The following DRG1 variants were observed in gnomAD, a reference collection of about 807,000 sequenced individuals.
The protein encoded by DRG1 is developmentally-regulated GTP-binding protein 1.
A neutral mutation model predicts 38.8 loss-of-function variants in DRG1; 19 were observed. The ratio of observed to expected loss-of-function variants is 0.49; its 90% CI spans 0.34 to 0.72. The LOEUF is 0.72. DRG1 is among the 30% of genes least tolerant of loss of function. The probability of loss-of-function intolerance (pLI) is 0.01; values close to 1 mark genes in which losing one functional copy is unlikely to be tolerated. For missense variants in DRG1, 299 were observed against 444.8 expected, an observed-to-expected ratio of 0.67 and a Z score of 2.95; for synonymous variants, 167 against 157.5, an observed-to-expected ratio of 1.06 and a Z score of -0.45.
intron 8 of DRG1, among the ~76,000 whole-genome samples, chr22:31,428,968 A>ATTACTTGGTTAAGTTGGTG (rs1198171606): frequency 1.5e-4 from 23 of 152,154 alleles, no homozygotes; most frequent in Non-Finnish European, 3.4e-4. Context: ...ATTCACATTG[A>ATTACTTGGTTAAGTTGGTG]TTACTTGGTT....
chr22:31,424,793 G>A (rs1241896947), intron 6 of DRG1, among the ~76,000 whole-genome samples: 35 of 57,522 alleles, frequency 6.1e-4, no homozygotes, highest in South Asian at 3.2e-3. Context: ...TGCTGTGCCC[G>A]GCACCCGCCC....
chr22:31,403,223 C>T lies in DRG1; in HGVS notation c.342+19C>T. ...GATCCAGGTGAGTCAAGCCTGCAGA[C>T]TAAGGAAGGAAAGAAATCTATTCTT... On this transcript the variant is annotated intron_variant, in intron 3 of 8. Coordinates refer to ENST00000331457, the MANE Select transcript of DRG1 (RefSeq NM_004147.4). The T allele has an allele frequency of 6.3e-7, 1 of 1,583,226 alleles. No homozygotes were observed. The highest frequency in any genetic ancestry group is 8.6e-7 in the Non-Finnish European group (1 of 1,165,790).
chr22:31,419,618 G>A (rs1361447620), intron 4 of DRG1, among the ~76,000 whole-genome samples: 3 of 152,146 alleles, frequency 2.0e-5, no homozygotes, highest in Admixed American at 6.6e-5. Flanking sequence ...AAGGAATGCT[G>A]TAGGTGATGG....
chr22:31,403,835 G>GCT (rs1370562869), intron 3 of DRG1, among the ~76,000 whole-genome samples: 1 of 152,078 alleles, frequency 6.6e-6, no homozygotes, highest in Non-Finnish European at 1.5e-5. Context: ...CCCATGCAGA[G>GCT]ACACATGTCC....
At position 31,426,639 on chromosome 22, in the gene DRG1, G is replaced by A; in HGVS notation, c.738G>A (p.Val246=). The A allele has an allele frequency of 1.2e-6, 2 of 1,613,624 alleles. No homozygotes were observed. The highest frequency in any genetic ancestry group is 1.7e-6 in the Non-Finnish European group (2 of 1,179,860). ...GAGTTTATATCCCCTGTATCTATGT[G>A]TTAAATAAGATTGACCAAATCTCCA... ...GNRVYIPCIY[V]LNKIDQISIE... is the part of the protein sequence containing the mutation. The change falls in exon 7 of 9, where the codon GTG becomes GTA. Residue 246 remains valine (V), a synonymous_variant. Coordinates refer to ENST00000331457, the MANE Select transcript of DRG1 (RefSeq NM_004147.4).
At chr22:31,414,583 A>G (rs1211030026) in intron 4 of DRG1, among the ~76,000 whole-genome samples, 1 of 151,898 alleles carries the variant, frequency 6.6e-6, no homozygotes, top group Non-Finnish European at 1.5e-5. Context: ...TTTCCCTTTC[A>G]TCCCGCACAT....
In DRG1 at chr22:31,399,695, C is replaced by G. The variant is rs759258892; in HGVS notation, c.12C>G (p.Thr4=). 2 of 1,614,042 alleles carry G rather than the reference C, an allele frequency of 1.2e-6. No individual in the cohort carries two copies. Among genetic ancestry groups the G allele is most frequent in the Non-Finnish European group, 1.7e-6 (2 of 1,179,892 alleles). Residue 4 remains threonine, a synonymous_variant, in exon 1 of 9, where the codon ACC becomes ACG. Transcript: ENST00000331457. The part of the protein sequence containing the change: MSS[T]LAKIAEIEAE... ...GGGTACTCGCCACGATGAGCAGCAC[C>G]TTAGCTAAGATCGCGGAGATAGAAG...
At chr22:31,431,027 C>A (rs1279244403) in intron 8 of DRG1, among the ~76,000 whole-genome samples, 41 of 120,724 alleles carry the variant, frequency 3.4e-4, no homozygotes, top group Middle Eastern at 3.8e-3. Flanking sequence ...CTTCCCCCCC[C>A]CCCCCCGCTT....
In DRG1 at chr22:31,433,973, ACCTTT is replaced by A. The variant is rs1194355588; in HGVS notation, c.*5_*9del. On this transcript the variant is annotated 3_prime_UTR_variant, in exon 9 of 9. Coordinates refer to ENST00000331457, the MANE Select transcript of DRG1 (RefSeq NM_004147.4). ...GTCATTCAAATTGTGAAGAAGTGAAACCTTTCCCTTTTCCCATCTGCCGGACGAAC... is the reference window on the plus strand; with the variant it reads ...GTCATTCAAATTGTGAAGAAGTGAAACCCTTTTCCCATCTGCCGGACGAAC... 1 of 1,613,314 alleles carries A rather than the reference ACCTTT, an allele frequency of 6.2e-7. No individual in the cohort carries two copies. Among genetic ancestry groups the A allele is most frequent in the Admixed American group, 1.7e-5 (1 of 59,940 alleles).
intron 6 of DRG1, among the ~76,000 whole-genome samples, chr22:31,424,792 C>T (rs561219720): frequency 3.1e-3 from 203 of 65,978 alleles, no homozygotes; most frequent in African/African-American, 0.014. Context: ...CTGCTGTGCC[C>T]GGCACCCGCC....
At chr22:31,423,131 C>G (rs1277461804) in intron 5 of DRG1, 149 bp from the exon 6 acceptor site, 9 of 936,590 alleles carry the variant, frequency 9.6e-6, no homozygotes, top group African/African-American at 5.0e-5. Flanking sequence ...CATTTATTTC[C>G]TACTAAAAGT....
At chr22:31,414,285 C>CAT (rs2050033049) in intron 4 of DRG1, among the ~76,000 whole-genome samples, 2 of 152,062 alleles carry the variant, frequency 1.3e-5, no homozygotes, top group African/African-American at 4.8e-5. Flanking sequence ...AAGTGCATAC[C>CAT]AGCTGCCAAC....
chr22:31,407,685 C>CTTTTTTTTT (rs71319190), intron 3 of DRG1, among the ~76,000 whole-genome samples: 1 of 137,216 alleles, frequency 7.3e-6, no homozygotes, highest in Non-Finnish European at 1.6e-5. Context: ...TTTCATTTTT[C>CTTTTTTTTT]TTTTTTTTTT....
In DRG1 at chr22:31,425,835, G is replaced by C. The variant is rs750269536; in HGVS notation, c.714-780G>C. ...TTTTTAGTTGCTCTCCTAGTCATTTGTTCCTGTATGTTGGATGAGTGTACT... is the reference window on the plus strand; with the variant it reads ...TTTTTAGTTGCTCTCCTAGTCATTTCTTCCTGTATGTTGGATGAGTGTACT... On this transcript the variant is annotated intron_variant, in intron 6 of 8. Transcript: ENST00000331457. Among the ~76,000 whole-genome samples, 37 of 152,158 alleles carry C rather than the reference G, an allele frequency of 2.4e-4. No individual in the cohort carries two copies. In the Middle Eastern group the frequency reaches 9.5e-3, roughly 39 times the overall value.
intron 5 of DRG1, among the ~76,000 whole-genome samples, chr22:31,422,250 G>A (rs935302180): frequency 2.0e-5 from 3 of 152,118 alleles, no homozygotes; most frequent in African/African-American, 7.2e-5. Context: ...TGACCAACAT[G>A]GCAAAACCCT....
intron 3 of DRG1, among the ~76,000 whole-genome samples, chr22:31,405,797 T>C: frequency 6.6e-6 from 1 of 152,052 alleles, no homozygotes; most frequent in East Asian, 1.9e-4. Flanking sequence ...CAAGTGATTC[T>C]CCTGTCTCAG....
chr22:31,402,016 A>G (rs1443119894), intron 2 of DRG1, among the ~76,000 whole-genome samples: 3 of 152,028 alleles, frequency 2.0e-5, no homozygotes, highest in African/African-American at 7.2e-5. Context: ...ATGCCACTGT[A>G]CCCCAGCCTG....
intron 3 of DRG1, among the ~76,000 whole-genome samples, chr22:31,410,748 G>C (rs556160254): frequency 2.0e-5 from 3 of 152,102 alleles, no homozygotes; most frequent in East Asian, 3.9e-4. Context: ...CCGAGAGGCA[G>C]AGGTTGCAGT....
At chr22:31,423,095 G>A (rs1304316622) in intron 5 of DRG1, among the ~76,000 whole-genome samples, 185 bp from the exon 6 acceptor site, 4 of 152,180 alleles carry the variant, frequency 2.6e-5, no homozygotes, top group Non-Finnish European at 4.4e-5. Flanking sequence ...ACAGTTCAGC[G>A]TGTAACACCT....
Sources: gnomAD v4.1 joint callset for allele counts (sites outside exome capture counted in the v4.1 genomes callset) on GRCh38, gnomAD v4.1.1 for gene constraint, MANE v1.5 for transcripts, NCBI Gene and HGNC (gene_info 2026-07-23, HGNC 2026-07-21) for gene names.